NFAT5: variants seen among roughly 807,000 people sequenced by gnomAD.
NFAT5 encodes nuclear factor of activated T-cells 5.
In NFAT5, 31 loss-of-function variants were observed where a neutral mutation model predicts 166.5. That is an observed-to-expected ratio of 0.19 (90% confidence interval 0.14 to 0.25). NFAT5 has a LOEUF of 0.25. Ranked by LOEUF, NFAT5 falls within the 10% of genes least tolerant of loss-of-function variation. The probability of loss-of-function intolerance (pLI) is 1.00; values close to 1 mark genes in which losing one functional copy is unlikely to be tolerated. For missense variants in NFAT5, 1,449 were observed against 1,821.8 expected (o/e 0.80, Z 3.72); for synonymous variants, 612 against 639.7 (o/e 0.96, Z 0.65).
intron 2 of NFAT5, among the ~76,000 whole-genome samples, chr16:69,608,739 C>G (rs1359935516): frequency 6.6e-6 from 1 of 150,498 alleles, no homozygotes; most frequent in Non-Finnish European, 1.5e-5. Flanking sequence ...CTCAGCCTCC[C>G]AAGTAGCTGG....
chr16:69,586,233 A>G (rs981471264), intron 2 of NFAT5, among the ~76,000 whole-genome samples: 5 of 152,128 alleles, frequency 3.3e-5, no homozygotes, highest in African/African-American at 2.4e-5. Flanking sequence ...CTGACTTTCT[A>G]TGTGGGACCC....
At chr16:69,614,298 G>C (rs1483023623) in intron 2 of NFAT5, among the ~76,000 whole-genome samples, 3 of 152,076 alleles carry the variant, frequency 2.0e-5, no homozygotes, top group Non-Finnish European at 4.4e-5. Context: ...GCGATTACAG[G>C]CACGAGCCAC....
chr16:69,574,555 T>C (rs1423137078), intron 2 of NFAT5, among the ~76,000 whole-genome samples: 2 of 152,202 alleles, frequency 1.3e-5, no homozygotes, highest in East Asian at 3.8e-4. Context: ...ATAAATAAAC[T>C]TGATGTAATA....
In NFAT5 at chr16:69,566,034, A is replaced by G. The variant is rs903489282; in HGVS notation, c.-268A>G. 9 of 402,572 alleles carry G rather than the reference A, an allele frequency of 2.2e-5. No individual in the cohort carries two copies. The highest frequency in any genetic ancestry group is 3.5e-5 in the Non-Finnish European group (8 of 226,844). The allele number at this position is 402,572 out of a possible 1,614,324, so 24.9% of individuals were successfully genotyped here. A position where few individuals can be genotyped will look rare whatever the true frequency, so the allele number is the denominator to read the frequency against. On this transcript the variant is annotated 5_prime_UTR_variant, in exon 1 of 15. Transcript: ENST00000349945. The surrounding 1 kb of genome is among the most constrained non-coding windows in gnomAD (Gnocchi z 5.7). ...TTCGCTGAGGAGAAACACGAAACGG[A>G]CCCTTTGGCTCTCCCCCTTCCCCTT... is the stretch of plus-strand genomic sequence containing the variant.
intron 4 of NFAT5, chr16:69,649,528 A>G (rs1337426767): frequency 8.1e-6 from 8 of 984,566 alleles, no homozygotes; most frequent in Non-Finnish European, 9.6e-6. Flanking sequence ...TTCATGGAGC[A>G]GAAATTCCAT....
intron 6 of NFAT5, among the ~76,000 whole-genome samples, chr16:69,657,633 G>A (rs1162508032): frequency 1.3e-5 from 2 of 148,540 alleles, no homozygotes; most frequent in Non-Finnish European, 3.0e-5. Context: ...GGTGGTGGGC[G>A]CCTGTAATCC....
chr16:69,694,201 A>T lies in NFAT5; in HGVS notation c.4376A>T (p.Gln1459Leu). The stretch of plus-strand genomic sequence containing the variant: ...CTGCAGAATTCTCCTGGCTCATCTC[A>T]GCAGACATCAGGAATGTTCTTATTT... ...NQLQNSPGSS[Q>L]QTSGMFLFGI... The change falls in exon 13 of 15, where the codon CAG (glutamine) becomes CTG (leucine). Residue 1459 changes from glutamine (Q) to leucine (L), a missense_variant. Coordinates refer to ENST00000349945, the MANE Select transcript of NFAT5 (RefSeq NM_138713.4). 1 of 1,613,952 alleles carries T rather than the reference A, an allele frequency of 6.2e-7. No homozygotes were observed. Among genetic ancestry groups the T allele is most frequent in the Non-Finnish European group, 8.5e-7 (1 of 1,179,936 alleles).
At chr16:69,606,666 C>A (rs1284768400) in intron 2 of NFAT5, among the ~76,000 whole-genome samples, 1 of 152,066 alleles carries the variant, frequency 6.6e-6, no homozygotes, top group African/African-American at 2.4e-5. Context: ...ACCAGCCTGG[C>A]CAACATAATG....
chr16:69,659,013 T>C (rs903642145), intron 6 of NFAT5, among the ~76,000 whole-genome samples: 3 of 152,178 alleles, frequency 2.0e-5, no homozygotes, highest in Non-Finnish European at 4.4e-5. Flanking sequence ...AACATACTTT[T>C]TAGTGGCTAT....
In NFAT5 at chr16:69,653,300, G is replaced by C. The variant is rs755898607; in HGVS notation, c.877G>C (p.Val293Leu). 3.7e-6 allele frequency: 6 copies of C among 1,612,582 alleles called. No individual in the cohort carries two copies. Among genetic ancestry groups the C allele is most frequent in the Non-Finnish European group, 5.1e-6 (6 of 1,179,586 alleles). Residue 293 changes from valine (V) to leucine (L), a missense_variant, in exon 5 of 15, where the codon GTT becomes CTT. This residue lies in a region of NFAT5 where 115 missense variants were observed against 177.1 expected (regional missense o/e 0.65). Coordinates refer to ENST00000349945, the MANE Select transcript of NFAT5 (RefSeq NM_138713.4). Reference sequence around the variant, plus strand: ...CCCTATGTTGTGTGGACAATATCCTGTTAAAAGTGAGGGAAAGGAGCTGAA... The same window carrying C: ...CCCTATGTTGTGTGGACAATATCCTCTTAAAAGTGAGGGAAAGGAGCTGAA... ...KSPMLCGQYP[V>L]KSEGKELKIV... is the part of the protein sequence containing the mutation.
At chr16:69,621,045 G>A (rs1416174232) in intron 2 of NFAT5, among the ~76,000 whole-genome samples, 3 of 152,020 alleles carry the variant, frequency 2.0e-5, no homozygotes, top group Non-Finnish European at 4.4e-5. Flanking sequence ...ATATTTTACT[G>A]AATTTAGGAT....
chr16:69,592,743 A>G (rs2032550294), intron 2 of NFAT5, among the ~76,000 whole-genome samples: 1 of 152,230 alleles, frequency 6.6e-6, no homozygotes, highest in South Asian at 2.1e-4. Context: ...CTTATTAATC[A>G]TAAAATATAT....
chr16:69,678,836 C>T (rs1000975738), intron 10 of NFAT5, among the ~76,000 whole-genome samples: 1 of 152,106 alleles, frequency 6.6e-6, no homozygotes, highest in Non-Finnish European at 1.5e-5. Flanking sequence ...GAAAGAAAGC[C>T]CTGGCATCAA....
chr16:69,597,821 C>A (rs990462577), intron 2 of NFAT5, among the ~76,000 whole-genome samples: 2 of 152,034 alleles, frequency 1.3e-5, no homozygotes, highest in Admixed American at 6.6e-5. Context: ...TCTCGGTCTC[C>A]TGACCTCGTG....
chr16:69,659,606 C>A, intron 6 of NFAT5, 121 bp from the exon 7 acceptor site: 1 of 693,562 alleles, frequency 1.4e-6, no homozygotes, highest in Non-Finnish European at 2.2e-6. Context: ...AACTTTGTAA[C>A]TTTATTACAT....
At chr16:69,677,101 T>C in intron 9 of NFAT5, 102 bp from the exon 10 acceptor site, 3 of 1,099,536 alleles carry the variant, frequency 2.7e-6, no homozygotes, top group Non-Finnish European at 3.9e-6. Flanking sequence ...TTTTTTTTAA[T>C]CACTTTTTAA....
At chr16:69,634,038 G>GA (rs2034839792) in intron 3 of NFAT5, among the ~76,000 whole-genome samples, 1 of 151,780 alleles carries the variant, frequency 6.6e-6, no homozygotes, top group Non-Finnish European at 1.5e-5. Context: ...AGCACTTTGG[G>GA]GGGCCGAGGC....
At chr16:69,694,833 CTCA>C (rs2037705414) in intron 13 of NFAT5, among the ~76,000 whole-genome samples, 3 of 152,170 alleles carry the variant, frequency 2.0e-5, no homozygotes, top group South Asian at 4.1e-4. Context: ...GAGGTAGAAA[CTCA>C]TCTTTAATGT....
At chr16:69,580,668 A>G (rs1285756247) in intron 2 of NFAT5, among the ~76,000 whole-genome samples, 2 of 151,920 alleles carry the variant, frequency 1.3e-5, no homozygotes, top group African/African-American at 2.4e-5. Context: ...AATTCTTTTT[A>G]TTTTTGAGAT....
Sources: allele counts gnomAD v4.1 joint callset (sites outside exome capture counted in the v4.1 genomes callset), GRCh38; gene constraint gnomAD v4.1.1; regional missense constraint gnomAD v4.1.1; non-coding constraint Gnocchi (gnomAD v3.1); transcripts MANE v1.5; gene names NCBI Gene and HGNC (gene_info 2026-07-23, HGNC 2026-07-21).